The following IPO9 variants were observed in gnomAD, a reference collection of about 807,000 sequenced individuals.
IPO9 encodes importin 9.
Under a neutral mutation model 128.6 loss-of-function variants are expected in IPO9, and 28 were observed. The observed-to-expected ratio is 0.22, with a 90% CI of 0.16 to 0.30. The LOEUF is 0.30. Ranked by LOEUF, IPO9 falls within the 10% of genes least tolerant of loss-of-function variation. The pLI is 1.00. For synonymous variants in IPO9, 455 were observed against 475.8 expected (o/e 0.96, Z 0.57); for missense variants, 935 against 1,293.9 (o/e 0.72, Z 4.26).
chr1:201,875,905 G>A (rs778107305), intron 23 of IPO9, 39 bp from the exon 24 acceptor site: 4 of 1,296,222 alleles, frequency 3.1e-6, no homozygotes, highest in Non-Finnish European at 4.5e-6. Context: ...TGGGTGACTT[G>A]CAATGTCTCA....
At chr1:201,868,829 G>T in intron 16 of IPO9, 33 bp downstream of exon 16, 1 of 1,394,992 alleles carries the variant, frequency 7.2e-7, no homozygotes, top group Non-Finnish European at 1.0e-6. Context: ...GTGTGTGTGT[G>T]AGAGAGATCT....
rs748442884 is a variant in IPO9 at position 201,829,316 on chromosome 1, T to G, written c.107T>G (p.Val36Gly). The change falls in exon 1 of 24, where the codon GTA becomes GGA. Residue 36 changes from valine to glycine, a missense_variant. Val to Gly is a moderately radical substitution (Grantham distance 109, BLOSUM62 -3). This residue lies in a region of IPO9 where 741 missense variants were observed against 1,019.1 expected (regional missense o/e 0.73). Transcript: ENST00000361565. Reference sequence around the variant, plus strand: ...ACGCTCACCGGGATCCTATCCCCAGTACAGGAGGTGCGGGCGGCTGCTGAA... The same window carrying G: ...ACGCTCACCGGGATCCTATCCCCAGGACAGGAGGTGCGGGCGGCTGCTGAA... ...VDTLTGILSP[V>G]QEVRAAAEEQ... 1 of 1,596,150 alleles carries G rather than the reference T, an allele frequency of 6.3e-7. No individual in the cohort carries two copies.
intron 13 of IPO9, among the ~76,000 whole-genome samples, chr1:201,859,342 C>G (rs1414107839): frequency 2.0e-5 from 3 of 151,552 alleles, no homozygotes; most frequent in Admixed American, 6.6e-5. Context: ...CTAAAACAGC[C>G]CAGAGGCCGA....
intron 1 of IPO9, chr1:201,829,575 A>T: frequency 1.5e-4 from 8 of 54,492 alleles, no homozygotes; most frequent in Non-Finnish European, 1.7e-4. Flanking sequence ...GGGTCGGGGG[A>T]GGTGGAGCCT....
chr1:201,829,496 A>T, intron 1 of IPO9, 124 bp downstream of exon 1: 1 of 881,920 alleles, frequency 1.1e-6, no homozygotes, highest in Non-Finnish European at 1.5e-6. Flanking sequence ...GAAGTGGAGC[A>T]GGAAGCGAGA....
At chr1:201,852,225 T>C in intron 5 of IPO9, 33 bp downstream of exon 5, 1 of 1,404,634 alleles carries the variant, frequency 7.1e-7, no homozygotes, top group Non-Finnish European at 1.0e-6. Context: ...TTATAGTGAG[T>C]TCAGGCTCTC....
At position 201,858,364 on chromosome 1, in the gene IPO9, C is replaced by G. The variant is rs1007879970; in HGVS notation, c.1222-83C>G. The G allele has an allele frequency of 2.6e-5, 18 of 691,954 alleles. No individual in the cohort carries two copies. The Admixed American group carries it at 4.8e-4, about 19-fold the overall frequency. The allele number at this position is 691,954 out of a possible 1,614,324, so 42.9% of individuals were successfully genotyped here. ...GTGAAAGAGCTTGAACCAATCACTT[C>G]TAACAGTCATGACTGAAGCGGTTTA... On this transcript the variant is annotated intron_variant, in intron 11 of 23. Coordinates refer to ENST00000361565, the MANE Select transcript of IPO9 (RefSeq NM_018085.5).
At position 201,883,731 on chromosome 1, in the gene IPO9, C is replaced by T. The variant is rs1680932671; in HGVS notation, c.*7677C>T. 3 of 152,364 alleles carry T rather than the reference C, an allele frequency of 2.0e-5. No homozygotes were observed. 9.4% of individuals were successfully genotyped at this position (152,364 alleles called of 1,614,324 possible). On this transcript the variant is annotated 3_prime_UTR_variant, in exon 24 of 24. Transcript: ENST00000361565. ...CAAACCAGGTAGCAGGATAGAGACT[C>T]ATTCTCATCTATTTTGGTTAAAAGA...
intron 14 of IPO9, among the ~76,000 whole-genome samples, chr1:201,865,549 T>A (rs1361320634): frequency 6.6e-6 from 1 of 152,162 alleles, no homozygotes; most frequent in Non-Finnish European, 1.5e-5. Context: ...CTTTTAATGA[T>A]CAGCATTCCA....
Position 201,875,200 on chromosome 1 carries a change from A to C in IPO9, c.2987A>C (p.Lys996Thr). The C allele has an allele frequency of 6.2e-7, 1 of 1,614,162 alleles. No individual in the cohort carries two copies. The highest frequency in any genetic ancestry group is 8.5e-7 in the Non-Finnish European group (1 of 1,179,972). ...GAGGAAGATGACCCTGATGCCCTGA[A>C]GGATCCTCTCTATCAGATTGATCTG... Reference protein sequence around the residue: ...DDEEDDPDALKDPLYQIDLQA... With the variant: ...DDEEDDPDALTDPLYQIDLQA... The change falls in exon 23 of 24, where the codon AAG becomes ACG. Residue 996 changes from lysine to threonine, a missense_variant. Around this residue, in one of 3 missense-constraint regions of IPO9, gnomAD observed 188 missense variants for 246.7 expected, o/e 0.76. Transcript: ENST00000361565.
intron 19 of IPO9, among the ~76,000 whole-genome samples, chr1:201,871,762 C>A (rs1680657231): frequency 1.3e-5 from 2 of 152,106 alleles, no homozygotes; most frequent in South Asian, 4.1e-4. Flanking sequence ...CTCTGTATTC[C>A]CTTTTCCCTG....
chr1:201,865,136 A>G (rs982880074), intron 14 of IPO9, among the ~76,000 whole-genome samples: 1 of 150,114 alleles, frequency 6.7e-6, no homozygotes, highest in African/African-American at 2.5e-5. Context: ...GTCATTTCCT[A>G]TTTAGTTTAC....
At chr1:201,834,647 G>C (rs1558214773) in intron 1 of IPO9, among the ~76,000 whole-genome samples, 1 of 152,130 alleles carries the variant, frequency 6.6e-6, no homozygotes, top group Non-Finnish European at 1.5e-5. Flanking sequence ...ACTAGATTTA[G>C]ACCCTAGGAC....
At chr1:201,874,995 C>A in intron 22 of IPO9, 59 bp downstream of exon 22, 1 of 1,428,628 alleles carries the variant, frequency 7.0e-7, no homozygotes, top group Non-Finnish European at 9.9e-7. Context: ...ACACTGATCC[C>A]AACAGTGGGG....
chr1:201,834,581 G>A (rs1245314327), intron 1 of IPO9, among the ~76,000 whole-genome samples: 2 of 152,132 alleles, frequency 1.3e-5, no homozygotes, highest in Admixed American at 6.5e-5. Context: ...GGAATGGGTT[G>A]CTTTCATTCA....
chr1:201,862,806 C>G (rs1031403072), intron 13 of IPO9, among the ~76,000 whole-genome samples: 1 of 69,868 alleles, frequency 1.4e-5, no homozygotes, highest in African/African-American at 5.1e-5. Context: ...AACTTCATCT[C>G]AAAAAAAAAA....
Position 201,879,263 on chromosome 1 carries a change from T to C in IPO9, c.*3209T>C, listed in dbSNP as rs981417650. Reference sequence around the variant, plus strand: ...TTATGGACTTCAGAGAAAATGATGCTAAACTGGTCTTAGAATCTTCTTTAA... The same window carrying C: ...TTATGGACTTCAGAGAAAATGATGCCAAACTGGTCTTAGAATCTTCTTTAA... On this transcript the variant is annotated 3_prime_UTR_variant, in exon 24 of 24. Transcript: ENST00000361565. 2.0e-5 allele frequency: 3 copies of C among 152,236 alleles called. No individual in the cohort carries two copies. Among genetic ancestry groups the C allele is most frequent in the Non-Finnish European group, 4.4e-5 (3 of 68,024 alleles). 9.4% of individuals were successfully genotyped at this position (152,236 alleles called of 1,614,324 possible).
rs1680376190 is a variant in IPO9, at chr1:201,858,465, C to T, written c.1240C>T (p.Gln414Ter). 6.4e-7 allele frequency: 1 copy of T among 1,562,846 alleles called. No homozygotes were observed. The highest frequency in any genetic ancestry group is 8.6e-7 in the Non-Finnish European group (1 of 1,156,596). The change falls in exon 12 of 24, where the codon CAG becomes TAG. Residue 414 changes from glutamine (Q) to a stop codon, truncating the protein, a stop_gained. Transcript: ENST00000361565. LOFTEE classifies it high-confidence loss of function. ...DLLLAVATDF[Q>*]NESAAALAAA... Reference sequence around the variant, plus strand: ...TCTATAGGCTGTGGCCACAGATTTCCAGAATGAAAGTGCAGCAGCCCTGGC... The same window carrying T: ...TCTATAGGCTGTGGCCACAGATTTCTAGAATGAAAGTGCAGCAGCCCTGGC...
intron 13 of IPO9, 90 bp from the exon 14 acceptor site, chr1:201,863,358 A>G: frequency 7.1e-7 from 1 of 1,399,132 alleles, no homozygotes. Flanking sequence ...TCTCAAAAAA[A>G]AAAAATTGAG....
Sources: gnomAD v4.1 joint callset for allele counts (sites outside exome capture counted in the v4.1 genomes callset) on GRCh38, gnomAD v4.1.1 for gene constraint, gnomAD v4.1.1 regional missense constraint, MANE v1.5 for transcripts, NCBI Gene and HGNC (gene_info 2026-07-23, HGNC 2026-07-21) for gene names.